The following CDH22 variants were observed in gnomAD, a reference collection of about 807,000 sequenced individuals.
The protein encoded by CDH22 is cadherin 22.
In CDH22, 30 loss-of-function variants were observed where a neutral mutation model predicts 58.4. The observed-to-expected ratio is 0.51, with a 90% CI of 0.38 to 0.70. CDH22 has a LOEUF of 0.70. Ranked by LOEUF, CDH22 falls within the 30% of genes least tolerant of loss-of-function variation. The pLI is 0.00. For missense variants in CDH22, 1,014 were observed against 1,233.9 expected, an observed-to-expected ratio of 0.82 and a Z score of 2.67; for synonymous variants, 513 against 558.2, an observed-to-expected ratio of 0.92 and a Z score of 1.14.
chr20:46,242,927 T>C (rs1377139565), intron 2 of CDH22, among the ~76,000 whole-genome samples: 1 of 152,192 alleles, frequency 6.6e-6, no homozygotes, highest in African/African-American at 2.4e-5. Flanking sequence ...CTGAGATCTC[T>C]TGGGTGAGGA....
intron 9 of CDH22, 56 bp from the exon 10 acceptor site, chr20:46,186,761 C>G: frequency 6.2e-7 from 1 of 1,601,432 alleles, no homozygotes; most frequent in Non-Finnish European, 8.5e-7. Context: ...CACTCTGGGT[C>G]GAGGTAGAGG....
intron 1 of CDH22, among the ~76,000 whole-genome samples, chr20:46,301,505 AT>A (rs201821017): frequency 0.016 from 1,332 of 83,842 alleles, 21 homozygotes; most frequent in African/African-American, 0.068. Flanking sequence ...TATTAAAAAA[AT>A]ATATATATAT....
chr20:46,241,055 T>C lies in CDH22; in HGVS notation c.458A>G (p.Glu153Gly). The change falls in exon 3 of 12, where the codon GAG (glutamate) becomes GGG (glycine). Residue 153 changes from glutamate to glycine, a missense_variant. Physicochemically the swap from Glu to Gly is moderately conservative, Grantham distance 98. This residue lies in a region of CDH22 where 806 missense variants were observed against 1,038.7 expected (regional missense o/e 0.78). Transcript: ENST00000537909. The surrounding 1 kb of genome is among the most constrained non-coding windows in gnomAD (Gnocchi z 5.2). Reference sequence around the variant, plus strand: ...GATGTCCTGCACCTTGATGATGAACTCCGACTCGGGCTCCAGTAGGCGGTT... The same window carrying C: ...GATGTCCTGCACCTTGATGATGAACCCCGACTCGGGCTCCAGTAGGCGGTT... Reference protein sequence around the residue: ...ATNRLLEPESEFIIKVQDIND... With the variant: ...ATNRLLEPESGFIIKVQDIND... The C allele has an allele frequency of 6.2e-7, 1 of 1,614,106 alleles. No homozygotes were observed. The highest frequency in any genetic ancestry group is 8.5e-7 in the Non-Finnish European group (1 of 1,180,014).
At chr20:46,298,174 A>T (rs1372095369) in intron 1 of CDH22, among the ~76,000 whole-genome samples, 4 of 152,040 alleles carry the variant, frequency 2.6e-5, no homozygotes, top group Non-Finnish European at 5.9e-5. Context: ...AGTGCAGCCA[A>T]TTTCTTCTGT....
chr20:46,278,729 G>A (rs1207928379), intron 1 of CDH22, among the ~76,000 whole-genome samples: 2 of 152,152 alleles, frequency 1.3e-5, no homozygotes, highest in East Asian at 3.9e-4. Flanking sequence ...GACTACAAGT[G>A]CGTGCCACCA....
intron 1 of CDH22, among the ~76,000 whole-genome samples, chr20:46,256,540 C>T (rs1019129092): frequency 1.3e-5 from 2 of 151,874 alleles, no homozygotes; most frequent in African/African-American, 4.8e-5. Context: ...TCGGGGGTCT[C>T]GTGTTGCTGA....
chr20:46,227,464 G>GGCCCCCCCC, intron 4 of CDH22, 44 bp downstream of exon 4: 3 of 1,351,116 alleles, frequency 2.2e-6, no homozygotes, highest in Non-Finnish European at 3.1e-6. Context: ...CCCGCCCCTG[G>GGCCCCCCCC]CCCCGCCCCA....
chr20:46,212,014 A>G (rs560270172), intron 6 of CDH22, among the ~76,000 whole-genome samples: 2 of 152,304 alleles, frequency 1.3e-5, no homozygotes, highest in East Asian at 1.9e-4. Flanking sequence ...CAAGCACTTT[A>G]TCACAAGTAG....
chr20:46,266,057 A>C, intron 1 of CDH22, among the ~76,000 whole-genome samples: 1 of 151,812 alleles, frequency 6.6e-6, no homozygotes, highest in East Asian at 1.9e-4. Context: ...CCCTACCCAG[A>C]TTTTGGGTAT....
At chr20:46,181,716 T>TTCC (rs1555800194) in intron 10 of CDH22, among the ~76,000 whole-genome samples, 4,176 of 44,240 alleles carry the variant, frequency 0.094, 563 homozygotes, top group Non-Finnish European at 0.11. Context: ...TCTTTCTTTT[T>TTCC]TTCCTTCCTT....
intron 1 of CDH22, among the ~76,000 whole-genome samples, chr20:46,296,891 C>A (rs574938986): frequency 6.6e-6 from 1 of 152,334 alleles, no homozygotes; most frequent in African/African-American, 2.4e-5. Flanking sequence ...GTAAGACGAG[C>A]CTGATGGAGC....
intron 7 of CDH22, among the ~76,000 whole-genome samples, chr20:46,200,651 C>T (rs1351827297): frequency 6.6e-6 from 1 of 152,090 alleles, no homozygotes; most frequent in African/African-American, 2.4e-5. Context: ...GTGTGGGTGG[C>T]GTTCTGGGCA....
At chr20:46,280,898 C>T (rs781479285) in intron 1 of CDH22, among the ~76,000 whole-genome samples, 68 of 152,176 alleles carry the variant, frequency 4.5e-4, no homozygotes, top group Non-Finnish European at 7.6e-4. Flanking sequence ...CTGGCTTAAC[C>T]CTGAATGCTG....
chr20:46,192,903 C>T (rs2085871470), intron 8 of CDH22, among the ~76,000 whole-genome samples: 1 of 151,742 alleles, frequency 6.6e-6, no homozygotes, highest in African/African-American at 2.4e-5. Context: ...GCACTCCCTG[C>T]CCTGTCCCCA....
intron 1 of CDH22, among the ~76,000 whole-genome samples, chr20:46,254,226 T>G (rs967189025): frequency 2.0e-5 from 3 of 152,176 alleles, no homozygotes; most frequent in African/African-American, 7.2e-5. Context: ...CTTATGCCAG[T>G]CCATGTGCTG....
intron 1 of CDH22, among the ~76,000 whole-genome samples, chr20:46,259,209 G>C (rs1051604373): frequency 6.6e-6 from 1 of 152,208 alleles, no homozygotes; most frequent in Non-Finnish European, 1.5e-5. Flanking sequence ...CTCCCAAAGA[G>C]CTCACCATCT....
chr20:46,246,673 G>C (rs1017878406), intron 2 of CDH22, among the ~76,000 whole-genome samples: 4 of 152,284 alleles, frequency 2.6e-5, no homozygotes, highest in African/African-American at 9.6e-5. Context: ...AGCGGTTCCT[G>C]TGGGTGCTGA....
chr20:46,207,550 G>A (rs545731986), intron 7 of CDH22, among the ~76,000 whole-genome samples: 1 of 152,230 alleles, frequency 6.6e-6, no homozygotes, highest in Non-Finnish European at 1.5e-5. Context: ...GGGTGGAAGG[G>A]AGTGGAGGAG....
At chr20:46,181,628 C>A (rs1052041006) in intron 10 of CDH22, among the ~76,000 whole-genome samples, 1 of 144,822 alleles carries the variant, frequency 6.9e-6, no homozygotes, top group Non-Finnish European at 1.5e-5. Flanking sequence ...TCCCTCCCTC[C>A]CTTCCTTCCT....
Sources: allele counts gnomAD v4.1 joint callset (sites outside exome capture counted in the v4.1 genomes callset), GRCh38; gene constraint gnomAD v4.1.1; regional missense constraint gnomAD v4.1.1; non-coding constraint Gnocchi (gnomAD v3.1); transcripts MANE v1.5; gene names NCBI Gene and HGNC (gene_info 2026-07-23, HGNC 2026-07-21).